EHBP1: variants seen among roughly 807,000 people sequenced by gnomAD.
The protein encoded by EHBP1 is EH domain binding protein 1.
Under a neutral mutation model 144.0 loss-of-function variants are expected in EHBP1, and 55 were observed. The observed-to-expected ratio is 0.38, with a 90% confidence interval of 0.31 to 0.48. The LOEUF (loss-of-function observed/expected upper bound fraction) is 0.48, where lower values mean the gene tolerates loss of function less well. EHBP1 is among the 20% of genes least tolerant of loss of function. EHBP1 has a pLI of 0.98. For synonymous variants in EHBP1, 469 were observed against 472.7 expected, an observed-to-expected ratio of 0.99 and a Z score of 0.10; for missense variants, 1,200 against 1,364.2, an observed-to-expected ratio of 0.88 and a Z score of 1.90.
At chr2:62,983,883 T>G (rs1174565288) in intron 15 of EHBP1, among the ~76,000 whole-genome samples, 2 of 152,244 alleles carry the variant, frequency 1.3e-5, no homozygotes, top group African/African-American at 2.4e-5. Flanking sequence ...TATTTTGTTT[T>G]GCATTTTGGA....
At chr2:62,968,206 C>T (rs2058333755) in intron 14 of EHBP1, among the ~76,000 whole-genome samples, 1 of 152,064 alleles carries the variant, frequency 6.6e-6, no homozygotes, top group African/African-American at 2.4e-5. Flanking sequence ...ATACTACTAG[C>T]ATAGAACTAT....
At chr2:62,894,923 A>AGAGAGAGAG (rs1558871653) in intron 10 of EHBP1, among the ~76,000 whole-genome samples, 2 of 53,216 alleles carry the variant, frequency 3.8e-5, no homozygotes, top group South Asian at 1.3e-3. Context: ...CAAAAACAGA[A>AGAGAGAGAG]AGAAAGAGAG....
intron 13 of EHBP1, among the ~76,000 whole-genome samples, chr2:62,953,463 C>T (rs1034678870): frequency 6.6e-6 from 1 of 151,762 alleles, no homozygotes. Context: ...GTAAGAGGAT[C>T]GCTTGGGCCT....
At chr2:62,838,072 T>G (rs1261778835) in intron 7 of EHBP1, among the ~76,000 whole-genome samples, 1 of 150,846 alleles carries the variant, frequency 6.6e-6, no homozygotes, top group African/African-American at 2.4e-5. Context: ...TATTCCAAAA[T>G]TGACCACATA....
rs57375651 is a variant in EHBP1 at position 62,975,887 on chromosome 2, TACACACACAC to T, written c.2461-3261_2461-3252del. Among the ~76,000 whole-genome samples the T allele has an allele frequency of 3.7e-3, 452 of 123,740 alleles. 1 individual carries two copies. The highest frequency in any genetic ancestry group is 7.9e-3 in the Middle Eastern group (2 of 252). 81.2% of individuals were successfully genotyped at this position (123,740 alleles called of 152,430 possible). A position where few individuals can be genotyped will look rare whatever the true frequency, so the allele number is the denominator to read the frequency against. On this transcript the variant is annotated intron_variant, in intron 14 of 22. Transcript: ENST00000431489. ...TCAGCCTGGATGGGTTTACTGTATG[TACACACACAC>T]ACACACACACACACACACACACACA...
At chr2:62,704,119 C>T (rs2034365329), upstream of EHBP1, among the ~76,000 whole-genome samples, 1 of 152,148 alleles carries the variant, frequency 6.6e-6, no homozygotes, top group South Asian at 2.1e-4. Flanking sequence ...ACTTCGTAAA[C>T]CACTCAGGAA....
Position 63,045,845 on chromosome 2 carries a change from T to G in EHBP1, c.*345T>G, listed in dbSNP as rs1192329197. On this transcript the variant is annotated 3_prime_UTR_variant, in exon 23 of 23. Coordinates refer to ENST00000431489, the MANE Select transcript of EHBP1 (RefSeq NM_001142616.3). This position sits in a 1 kb window ranked among gnomAD's most constrained non-coding sequence, Gnocchi z 5.7. ...TCCCTCGTTATTTTCTCTCATTTTTTGATGAGAGGAAAATTTGAAACATTA... is the reference window on the plus strand; with the variant it reads ...TCCCTCGTTATTTTCTCTCATTTTTGGATGAGAGGAAAATTTGAAACATTA... The G allele has an allele frequency of 5.4e-6, 1 of 185,098 alleles. No homozygotes were observed. Among genetic ancestry groups the G allele is most frequent in the Non-Finnish European group, 1.1e-5 (1 of 88,304 alleles). 11.5% of individuals were successfully genotyped at this position (185,098 alleles called of 1,614,324 possible).
rs768045420 is a variant in EHBP1, at chr2:62,826,284, CAAAT to C, written c.494+19_494+22del. On this transcript the variant is annotated intron_variant, in intron 6 of 22. Coordinates refer to ENST00000431489, the MANE Select transcript of EHBP1 (RefSeq NM_001142616.3). ...GAAAAGCCACGTAAGTTTCTTTTGT[CAAAT>C]AAGCTTCCTTACATTGTGTTTCAGT... 2.5e-6 allele frequency: 4 copies of C among 1,583,076 alleles called. No individual in the cohort carries two copies. The African/African-American group carries it at 5.5e-5, about 22-fold the overall frequency.
At chr2:62,819,876 T>C (rs2045769307) in intron 5 of EHBP1, among the ~76,000 whole-genome samples, 2 of 152,064 alleles carry the variant, frequency 1.3e-5, no homozygotes, top group African/African-American at 4.8e-5. Flanking sequence ...TGAAATTTAA[T>C]GAACCACAGA....
chr2:62,736,105 C>A (rs1051961463), intron 2 of EHBP1, among the ~76,000 whole-genome samples: 1 of 150,684 alleles, frequency 6.6e-6, no homozygotes, highest in Admixed American at 6.6e-5. Context: ...TTCTTCTGTT[C>A]CCTTTTCTTT....
In EHBP1 at chr2:62,764,278, C is replaced by A; in HGVS notation, c.175C>A (p.Gln59Lys). The change falls in exon 4 of 23, where the codon CAA becomes AAA. Residue 59 changes from glutamine to lysine, a missense_variant. This residue lies in a region of EHBP1 where 137 missense variants were observed against 190.1 expected (regional missense o/e 0.72). Transcript: ENST00000431489. ...TTTATTCTGGTAGGCACATAGCTGG[C>A]AACCTGGAATAAAAAATCCCTATCG... ...RRKSSKAHSW[Q>K]PGIKNPYRGV... 6.4e-7 allele frequency: 1 copy of A among 1,567,776 alleles called. No homozygotes were observed. Among genetic ancestry groups the A allele is most frequent in the South Asian group, 1.2e-5 (1 of 83,522 alleles).
intron 7 of EHBP1, among the ~76,000 whole-genome samples, chr2:62,844,034 C>T (rs1323036830): frequency 6.6e-6 from 1 of 152,084 alleles, no homozygotes; most frequent in Admixed American, 6.6e-5. Flanking sequence ...CATTATATCA[C>T]TAAAAATTAT....
At position 62,993,577 on chromosome 2, in the gene EHBP1, A is replaced by C. The variant is rs1377116515; in HGVS notation, c.2781A>C (p.Glu927Asp). ...CTGAACGATTACAAAAAACAACAGA[A>C]CGTTTTAGAAATCCTGTTGTGTTCA... ...LRTERLQKTT[E>D]RFRNPVVFSK... The change falls in exon 17 of 23, where the codon GAA (glutamate) becomes GAC (aspartate). Residue 927 changes from glutamate to aspartate, a missense_variant. Around this residue, in one of 6 missense-constraint regions of EHBP1, gnomAD observed 543 missense variants for 513.1 expected, o/e 1.06. Transcript: ENST00000431489. The C allele has an allele frequency of 6.2e-7, 1 of 1,607,408 alleles. No homozygotes were observed. Among genetic ancestry groups the C allele is most frequent in the South Asian group, 1.1e-5 (1 of 90,122 alleles).
At chr2:62,815,285 G>A (rs959864303) in intron 5 of EHBP1, among the ~76,000 whole-genome samples, 6 of 152,160 alleles carry the variant, frequency 3.9e-5, no homozygotes, top group African/African-American at 1.2e-4. Context: ...GCATAGAAAC[G>A]AATGAGGAAA....
intron 2 of EHBP1, among the ~76,000 whole-genome samples, chr2:62,736,152 C>T (rs193018462): frequency 4.1e-5 from 6 of 147,462 alleles, no homozygotes; most frequent in Admixed American, 3.4e-4. Context: ...TGTGTAGTGA[C>T]ATCTTTTGTA....
chr2:62,915,657 G>A (rs978944260), intron 10 of EHBP1, among the ~76,000 whole-genome samples: 1 of 151,746 alleles, frequency 6.6e-6, no homozygotes, highest in South Asian at 2.1e-4. Flanking sequence ...ATTTTTGAGG[G>A]GATGGTATCA....
chr2:62,758,793 A>T (rs2040518652), intron 3 of EHBP1, among the ~76,000 whole-genome samples: 1 of 152,210 alleles, frequency 6.6e-6, no homozygotes, highest in South Asian at 2.1e-4. Flanking sequence ...GCAATGTGCT[A>T]CCATTTCAAG....
upstream of EHBP1, among the ~76,000 whole-genome samples, chr2:62,705,477 T>C (rs1261228968): frequency 6.6e-6 from 1 of 151,850 alleles, no homozygotes; most frequent in Non-Finnish European, 1.5e-5. Context: ...GGATCGTCCT[T>C]AGTCGGTTCC....
intron 9 of EHBP1, among the ~76,000 whole-genome samples, chr2:62,867,302 T>A (rs946633183): frequency 3.9e-5 from 6 of 152,150 alleles, no homozygotes; most frequent in Admixed American, 2.6e-4. Context: ...AAGACACTTT[T>A]TTCAGAGTTG....
Sources: gnomAD v4.1 joint callset for allele counts (sites outside exome capture counted in the v4.1 genomes callset) on GRCh38, gnomAD v4.1.1 for gene constraint, gnomAD v4.1.1 regional missense constraint, Gnocchi (gnomAD v3.1) non-coding constraint, MANE v1.5 for transcripts, NCBI Gene and HGNC (gene_info 2026-07-23, HGNC 2026-07-21) for gene names.